FKBP6: variants seen among roughly 807,000 people sequenced by gnomAD.
FKBP6 encodes FKBP prolyl isomerase family member 6 (inactive).
Under a neutral mutation model 41.7 loss-of-function variants are expected in FKBP6, and 29 were observed. The ratio of observed to expected loss-of-function variants is 0.70; its 90% confidence interval spans 0.52 to 0.95. The LOEUF (loss-of-function observed/expected upper bound fraction) is 0.95. FKBP6 is among the 40% of genes least tolerant of loss of function. The pLI is 0.00. For missense variants in FKBP6, 338 were observed against 408.7 expected (o/e 0.83, Z 1.49); for synonymous variants, 130 against 165.1 (o/e 0.79, Z 1.63).
At chr7:73,338,461 G>A (rs79304683) in intron 5 of FKBP6, among the ~76,000 whole-genome samples, 3,941 of 152,302 alleles carry the variant, frequency 0.026, 166 homozygotes, top group African/African-American at 0.089. Context: ...ACAAGTTGTC[G>A]TGTGAACACG....
At chr7:73,355,386 G>A (rs527510843) in intron 8 of FKBP6, among the ~76,000 whole-genome samples, 23 of 152,256 alleles carry the variant, frequency 1.5e-4, no homozygotes, top group South Asian at 1.4e-3. Context: ...CTATGTTGGC[G>A]CATTCTCGTT....
chr7:73,355,438 T>C (rs1218940353), intron 8 of FKBP6, among the ~76,000 whole-genome samples: 4 of 152,192 alleles, frequency 2.6e-5, no homozygotes, highest in African/African-American at 9.6e-5. Flanking sequence ...ATTTGAAAAT[T>C]CAACTACCTG....
rs1302159123 is a variant in FKBP6, at chr7:73,340,795, A to G, written c.746A>G (p.Asp249Gly). 6.2e-7 allele frequency: 1 copy of G among 1,614,052 alleles called. No homozygotes were observed. Among genetic ancestry groups the G allele is most frequent in the South Asian group, 1.1e-5 (1 of 91,070 alleles). The part of the protein sequence containing the change: ...LCYGEQALII[D>G]QKNAKALFRC... ...TATGGAGAGCAGGCTTTGATCATTG[A>G]CCAAAAGAATGCCAAGGCCCTCTTC... The change falls in exon 6 of 9, where the codon GAC becomes GGC. Residue 249 changes from aspartate (D) to glycine (G), a missense_variant. Asp to Gly is a moderately conservative substitution (Grantham distance 94, BLOSUM62 -1). Around this residue, in one of 2 missense-constraint regions of FKBP6, gnomAD observed 239 missense variants for 250.1 expected, o/e 0.96. Transcript: ENST00000252037.
At chr7:73,338,054 G>C (rs1805061740) in intron 5 of FKBP6, among the ~76,000 whole-genome samples, 1 of 152,042 alleles carries the variant, frequency 6.6e-6, no homozygotes, top group Admixed American at 6.6e-5. Flanking sequence ...TTATGAGACA[G>C]AGTCCCTGTT....
rs1460735000 is a variant in FKBP6 at position 73,336,822 on chromosome 7, T to C, written c.589-3816T>C. On this transcript the variant is annotated intron_variant, in intron 5 of 8. Coordinates refer to ENST00000252037, the MANE Select transcript of FKBP6 (RefSeq NM_003602.5). ...GGGTCCAGGAATGTGTTAAAGCAGC[T>C]GTGAGTTGTGCAAATAGAAGAAAAA... 2.2e-5 allele frequency: 10 copies of C among 456,588 alleles called. No individual in the cohort carries two copies. The East Asian group carries it at 5.6e-4, about 25-fold the overall frequency. 28.3% of individuals were successfully genotyped at this position (456,588 alleles called of 1,614,324 possible).
At chr7:73,342,710 T>C in intron 7 of FKBP6, 97 bp from the exon 8 acceptor site, 2 of 872,172 alleles carry the variant, frequency 2.3e-6, no homozygotes, top group Non-Finnish European at 3.9e-6. Context: ...CTGATAAATT[T>C]TCAGTGTTTC....
At chr7:73,343,009 A>G in intron 8 of FKBP6, 110 bp downstream of exon 8, 1 of 793,334 alleles carries the variant, frequency 1.3e-6, no homozygotes, top group South Asian at 1.4e-5. Flanking sequence ...GACGAGGGGT[A>G]GACAAGTTCC....
intron 8 of FKBP6, among the ~76,000 whole-genome samples, chr7:73,351,006 T>A (rs1805474836): frequency 1.3e-5 from 2 of 152,222 alleles, no homozygotes; most frequent in South Asian, 4.1e-4. Flanking sequence ...TCTCTCAAAG[T>A]TACTTCGTGC....
intron 8 of FKBP6, among the ~76,000 whole-genome samples, chr7:73,345,067 C>T (rs1554550100): frequency 6.6e-6 from 1 of 152,016 alleles, no homozygotes; most frequent in Non-Finnish European, 1.5e-5. Flanking sequence ...ATGCCAGGTG[C>T]ACGATTGGTG....
At chr7:73,333,865 A>G (rs1407905086) in intron 5 of FKBP6, among the ~76,000 whole-genome samples, 1 of 152,204 alleles carries the variant, frequency 6.6e-6, no homozygotes, top group Non-Finnish European at 1.5e-5. Flanking sequence ...TGAGGTCAGG[A>G]GTTCAAGACC....
intron 8 of FKBP6, among the ~76,000 whole-genome samples, chr7:73,343,777 T>C (rs1298181340): frequency 1.3e-5 from 2 of 152,160 alleles, no homozygotes; most frequent in Non-Finnish European, 1.5e-5. Flanking sequence ...AACACCTGCT[T>C]AGCTGCACAG....
At chr7:73,346,287 C>T (rs1022771331) in intron 8 of FKBP6, among the ~76,000 whole-genome samples, 2 of 152,182 alleles carry the variant, frequency 1.3e-5, no homozygotes, top group South Asian at 2.1e-4. Context: ...TGTGGGGAGC[C>T]GACTGTTGGT....
chr7:73,356,366 A>ACAC (rs1805633478), intron 8 of FKBP6, among the ~76,000 whole-genome samples: 2 of 152,286 alleles, frequency 1.3e-5, no homozygotes, highest in South Asian at 2.1e-4. Flanking sequence ...AAGTCCTATC[A>ACAC]CTGGTTGTGA....
intron 6 of FKBP6, 85 bp downstream of exon 6, chr7:73,340,917 CTTTTTT>C (rs368227645): frequency 9.4e-4 from 452 of 482,434 alleles, no homozygotes; most frequent in East Asian, 2.8e-3. Flanking sequence ...AAAATGCTGT[CTTTTTT>C]TTTTTTTTTT....
chr7:73,335,101 A>G (rs1804961759), intron 5 of FKBP6, among the ~76,000 whole-genome samples: 1 of 151,444 alleles, frequency 6.6e-6, no homozygotes, highest in Admixed American at 6.6e-5. Context: ...AGCCTAGCAA[A>G]TATCTAAATT....
chr7:73,342,900 G>A lies in FKBP6; in HGVS notation c.*2+1G>A. ...GTTCTACAGCAGGAGAAAGTTGAAG[G>A]TAATCAAAGGGCCAGGGTGGCACAC... On this transcript the variant is annotated splice_donor_variant, in intron 8 of 8. Transcript: ENST00000252037. LOFTEE classifies it low-confidence loss of function (3UTR_SPLICE). 6.2e-7 allele frequency: 1 copy of A among 1,606,232 alleles called. No homozygotes were observed. The highest frequency in any genetic ancestry group is 1.7e-4 in the Middle Eastern group (1 of 6,042).
intron 8 of FKBP6, among the ~76,000 whole-genome samples, chr7:73,350,219 C>G (rs1805451995): frequency 6.6e-6 from 1 of 152,110 alleles, no homozygotes; most frequent in Non-Finnish European, 1.5e-5. Context: ...TCATGTGGGC[C>G]CAGAGTGGAA....
At chr7:73,328,733 G>A (rs781991123) in intron 2 of FKBP6, 41 bp downstream of exon 2, 12 of 1,611,922 alleles carry the variant, frequency 7.4e-6, no homozygotes, top group Admixed American at 5.0e-5. Flanking sequence ...CCATGTCATC[G>A]CACTCTGTTG....
At chr7:73,340,248 G>A (rs1463124841) in intron 5 of FKBP6, among the ~76,000 whole-genome samples, 2 of 152,036 alleles carry the variant, frequency 1.3e-5, no homozygotes, top group Non-Finnish European at 2.9e-5. Context: ...CTGACTTTTG[G>A]CCGGGCATGG....
Sources: allele counts gnomAD v4.1 joint callset (sites outside exome capture counted in the v4.1 genomes callset), GRCh38; gene constraint gnomAD v4.1.1; regional missense constraint gnomAD v4.1.1; transcripts MANE v1.5; gene names NCBI Gene and HGNC (gene_info 2026-07-23, HGNC 2026-07-21).